The following GALNT13 variants were observed in gnomAD, a reference collection of about 807,000 sequenced individuals.
The protein encoded by GALNT13 is polypeptide N-acetylgalactosaminyltransferase 13.
A neutral mutation model predicts 64.2 loss-of-function variants in GALNT13; 28 were observed. The ratio of observed to expected loss-of-function variants is 0.44; its 90% CI spans 0.32 to 0.60. The LOEUF (loss-of-function observed/expected upper bound fraction) is 0.60. GALNT13 is among the 20% of genes least tolerant of loss of function. The pLI is 0.05. For synonymous variants in GALNT13, 214 were observed against 224.6 expected (o/e 0.95, Z 0.42); for missense variants, 577 against 669.8 (o/e 0.86, Z 1.53).
At chr2:153,636,679 T>C in the GALNT13 span, among the ~76,000 whole-genome samples, 14 of 152,172 alleles carry the variant, frequency 9.2e-5, no homozygotes, top group Non-Finnish European at 1.9e-4. Flanking sequence ...CTTCTCTTCC[T>C]TCTAGTAGGG....
At chr2:154,403,089 C>T (rs1291501282) in intron 10 of GALNT13, among the ~76,000 whole-genome samples, 6 of 152,076 alleles carry the variant, frequency 3.9e-5, no homozygotes, top group Non-Finnish European at 8.8e-5. Context: ...AATTTATGTG[C>T]TTCTATCTGC....
chr2:153,789,303 C>T, the GALNT13 span, among the ~76,000 whole-genome samples: 1 of 151,934 alleles, frequency 6.6e-6, no homozygotes, highest in Non-Finnish European at 1.5e-5. Flanking sequence ...TTAATCAAAA[C>T]TATACAATGA....
chr2:154,111,361 T>A (rs1702977162), intron 3 of GALNT13, among the ~76,000 whole-genome samples: 1 of 152,156 alleles, frequency 6.6e-6, no homozygotes, highest in South Asian at 2.1e-4. Context: ...CTCCTATATA[T>A]CATGCATATT....
At chr2:154,310,690 G>C (rs939528359) in intron 9 of GALNT13, among the ~76,000 whole-genome samples, 2 of 152,038 alleles carry the variant, frequency 1.3e-5, no homozygotes, top group East Asian at 3.9e-4. Flanking sequence ...GAACCCAAGA[G>C]GATATTTCTG....
At chr2:153,579,113 A>C in the GALNT13 span, among the ~76,000 whole-genome samples, 3 of 152,164 alleles carry the variant, frequency 2.0e-5, no homozygotes, top group Non-Finnish European at 4.4e-5. Flanking sequence ...CAATGGGAAA[A>C]CCTGAAACTC....
At chr2:153,792,516 A>G in the GALNT13 span, among the ~76,000 whole-genome samples, 1 of 152,196 alleles carries the variant, frequency 6.6e-6, no homozygotes, top group Non-Finnish European at 1.5e-5. Context: ...ACTAATGGCC[A>G]ATCCTCTTGA....
At chr2:153,805,561 A>C in the GALNT13 span, among the ~76,000 whole-genome samples, 1 of 152,108 alleles carries the variant, frequency 6.6e-6, no homozygotes, top group Admixed American at 6.5e-5. Flanking sequence ...CTATATAGTT[A>C]CTTGTAGAAT....
the GALNT13 span, among the ~76,000 whole-genome samples, chr2:153,234,242 C>T: frequency 3.3e-5 from 5 of 152,058 alleles, no homozygotes; most frequent in Admixed American, 3.3e-4. Flanking sequence ...GAGATAGGCA[C>T]CAGCTGCAGA....
the GALNT13 span, among the ~76,000 whole-genome samples, chr2:153,554,921 T>C: frequency 5.9e-5 from 9 of 152,306 alleles, no homozygotes; most frequent in East Asian, 1.4e-3. Context: ...ATATCTGCTT[T>C]GTTATTAGAA....
At chr2:153,715,866 T>A in the GALNT13 span, among the ~76,000 whole-genome samples, 1 of 151,362 alleles carries the variant, frequency 6.6e-6, no homozygotes, top group East Asian at 1.9e-4. Context: ...ATGGCTTGGA[T>A]GTCAGAGCTG....
chr2:154,069,411 A>G (rs550352227), intron 3 of GALNT13, among the ~76,000 whole-genome samples: 20 of 152,102 alleles, frequency 1.3e-4, no homozygotes, highest in Non-Finnish European at 2.9e-4. Context: ...GCATAAAATC[A>G]TGAAACACCA....
chr2:153,972,833 A>G (rs185597936), intron 3 of GALNT13, among the ~76,000 whole-genome samples: 3 of 152,178 alleles, frequency 2.0e-5, no homozygotes, highest in Non-Finnish European at 4.4e-5. Context: ...GTAATTCAGG[A>G]TAACCTATGA....
chr2:154,231,262 T>A (rs531524319), intron 4 of GALNT13, among the ~76,000 whole-genome samples: 1 of 152,202 alleles, frequency 6.6e-6, no homozygotes, highest in East Asian at 1.9e-4. Flanking sequence ...AAATTCTTCC[T>A]GTCAAAGGCA....
the GALNT13 span, among the ~76,000 whole-genome samples, chr2:153,738,006 A>G: frequency 6.6e-6 from 1 of 151,960 alleles, no homozygotes; most frequent in Non-Finnish European, 1.5e-5. Context: ...AACTATATCT[A>G]ATGTTAACCT....
intron 3 of GALNT13, among the ~76,000 whole-genome samples, chr2:154,059,153 G>T (rs62173318): frequency 6.6e-6 from 1 of 152,184 alleles, no homozygotes; most frequent in South Asian, 2.1e-4. Context: ...TGCGGTTACC[G>T]CAAACTGAAT....
chr2:153,475,944 T>C, the GALNT13 span, among the ~76,000 whole-genome samples: 8 of 152,184 alleles, frequency 5.3e-5, no homozygotes, highest in African/African-American at 1.2e-4. Flanking sequence ...AAATAGAACA[T>C]TGCCATTTCT....
chr2:153,950,843 G>A (rs2105401577), intron 3 of GALNT13, among the ~76,000 whole-genome samples: 1 of 152,028 alleles, frequency 6.6e-6, no homozygotes, highest in East Asian at 1.9e-4. Context: ...TGTGTGACAC[G>A]ATAATTTGTA....
At chr2:154,081,876 T>C (rs1313445959) in intron 3 of GALNT13, among the ~76,000 whole-genome samples, 1 of 151,708 alleles carries the variant, frequency 6.6e-6, no homozygotes, top group East Asian at 1.9e-4. Flanking sequence ...GAGCCTTGGG[T>C]TTTCATAGTC....
At chr2:153,455,305 A>G in the GALNT13 span, among the ~76,000 whole-genome samples, 2 of 152,346 alleles carry the variant, frequency 1.3e-5, no homozygotes, top group East Asian at 3.9e-4. Context: ...TGAATAAAAT[A>G]AGAAGGCAGC....
Sources: gnomAD v4.1 joint callset for allele counts (sites outside exome capture counted in the v4.1 genomes callset) on GRCh38, gnomAD v4.1.1 for gene constraint, MANE v1.5 for transcripts, NCBI Gene and HGNC (gene_info 2026-07-23, HGNC 2026-07-21) for gene names.